The following EPHB1 variants were observed in gnomAD, a reference collection of about 807,000 sequenced individuals.
The protein encoded by EPHB1 is ephrin type-B receptor 1.
EPHB1 carries 30 observed loss-of-function variants against 94.4 expected under a neutral mutation model. The observed-to-expected ratio is 0.32, with a 90% CI of 0.24 to 0.43. The LOEUF is 0.43. Ranked by LOEUF, EPHB1 falls within the 20% of genes least tolerant of loss-of-function variation. The pLI, the probability that EPHB1 is intolerant of heterozygous loss-of-function variation, is 1.00. For missense variants in EPHB1, 1,055 were observed against 1,308.3 expected (o/e 0.81, Z 2.99); for synonymous variants, 522 against 489.1 (o/e 1.07, Z -0.89).
chr3:134,866,161 C>T (rs1333160788), intron 1 of EPHB1, among the ~76,000 whole-genome samples: 1 of 152,202 alleles, frequency 6.6e-6, no homozygotes, highest in African/African-American at 2.4e-5. Context: ...GGACAGTGGG[C>T]AAGAGGCTGG....
intron 1 of EPHB1, among the ~76,000 whole-genome samples, chr3:134,923,916 T>A (rs558912185): frequency 4.6e-5 from 7 of 152,300 alleles, no homozygotes; most frequent in African/African-American, 1.7e-4. Flanking sequence ...ATGCATCATT[T>A]ATATTGTACC....
Position 135,055,706 on chromosome 3 carries a change from CGGGGTTGTTGT to C in EPHB1, c.806-50738_806-50728del, listed in dbSNP as rs1206595125. Among the ~76,000 whole-genome samples, 105 of 152,272 alleles carry C rather than the reference CGGGGTTGTTGT, an allele frequency of 6.9e-4. 1 individual carries two copies. The South Asian group carries it at 0.021, about 30-fold the overall frequency. ...CTGTCTTGTCATCCTTGTTCACACC[CGGGGTTGTTGT>C]GGGAGGATGAACAGGGTCACACGTG... On this transcript the variant is annotated intron_variant, in intron 3 of 15. Transcript: ENST00000398015.
At chr3:135,135,871 T>C (rs950427807) in intron 5 of EPHB1, among the ~76,000 whole-genome samples, 9 of 152,234 alleles carry the variant, frequency 5.9e-5, no homozygotes, top group African/African-American at 1.2e-4. Flanking sequence ...TGGGTCCTGA[T>C]TGAGAAATAG....
intron 2 of EPHB1, among the ~76,000 whole-genome samples, chr3:134,937,417 A>G (rs1273829289): frequency 2.6e-5 from 4 of 152,204 alleles, no homozygotes; most frequent in African/African-American, 9.6e-5. Flanking sequence ...AAGAATGGGA[A>G]CGAAGCCAAG....
chr3:135,086,248 A>T (rs1415752456), intron 3 of EPHB1, among the ~76,000 whole-genome samples: 1 of 151,018 alleles, frequency 6.6e-6, no homozygotes, highest in Non-Finnish European at 1.5e-5. Flanking sequence ...GCCCAACAGG[A>T]TCCTTAATGA....
intron 3 of EPHB1, among the ~76,000 whole-genome samples, chr3:134,975,329 G>T (rs889312466): frequency 6.6e-6 from 1 of 152,204 alleles, no homozygotes; most frequent in Non-Finnish European, 1.5e-5. Context: ...CAGGGCAGGG[G>T]ATGCAGAACT....
intron 2 of EPHB1, among the ~76,000 whole-genome samples, chr3:134,934,681 G>T (rs2038967476): frequency 6.6e-6 from 1 of 151,750 alleles, no homozygotes; most frequent in African/African-American, 2.4e-5. Flanking sequence ...GACTTTGTGT[G>T]TGTGCGGTAT....
chr3:134,804,744 C>T (rs11923284), intron 1 of EPHB1, among the ~76,000 whole-genome samples: 35,286 of 152,124 alleles, frequency 0.23, 8,219 homozygotes, highest in African/African-American at 0.6. Flanking sequence ...TGCTTTTATC[C>T]ATCTGGCCAG....
chr3:135,005,627 C>A (rs570817238), intron 3 of EPHB1, among the ~76,000 whole-genome samples: 2 of 152,342 alleles, frequency 1.3e-5, no homozygotes, highest in East Asian at 1.9e-4. Flanking sequence ...GGGTGTAGGA[C>A]CCTCCGAGCC....
chr3:134,876,491 C>T (rs900466133), intron 1 of EPHB1, among the ~76,000 whole-genome samples: 1 of 152,228 alleles, frequency 6.6e-6, no homozygotes, highest in Admixed American at 6.5e-5. Context: ...AGGGCCTGGA[C>T]TCTCCCCTCC....
Position 134,885,326 on chromosome 3 carries a change from C to T in EPHB1, c.59-40490C>T, listed in dbSNP as rs7431809. On this transcript the variant is annotated intron_variant, in intron 1 of 15. Transcript: ENST00000398015. ...TCAGTGAACTGTTGACATTAAACAA[C>T]GACAACAAAATAGTATGTGTATAAT... 2.2e-3 allele frequency among the ~76,000 whole-genome samples: 338 copies of T among 152,242 alleles called. 10 individuals carry two copies. In the East Asian group the frequency reaches 0.059, roughly 27 times the overall value.
At chr3:134,919,724 G>A (rs1367934375) in intron 1 of EPHB1, among the ~76,000 whole-genome samples, 1 of 152,096 alleles carries the variant, frequency 6.6e-6, no homozygotes, top group African/African-American at 2.4e-5. Flanking sequence ...AGACCCCTAG[G>A]GAAGGCAGAC....
At chr3:135,249,588 C>G (rs1932980161) in intron 15 of EPHB1, 97 bp downstream of exon 15, 3 of 1,406,340 alleles carry the variant, frequency 2.1e-6, no homozygotes, top group Non-Finnish European at 2.9e-6. Context: ...TGGCCTCATC[C>G]CTGGAGCTCC....
chr3:134,974,679 T>G (rs1377725102), intron 3 of EPHB1, among the ~76,000 whole-genome samples: 1 of 152,202 alleles, frequency 6.6e-6, no homozygotes, highest in Non-Finnish European at 1.5e-5. Context: ...CCTGCTCCAG[T>G]GCCAGCTGAC....
At chr3:135,180,325 T>C (rs1942120203) in intron 10 of EPHB1, among the ~76,000 whole-genome samples, 1 of 152,222 alleles carries the variant, frequency 6.6e-6, no homozygotes, top group South Asian at 2.1e-4. Flanking sequence ...ACATTTGTAG[T>C]ATTCCACTTA....
chr3:134,923,729 G>A (rs1277664759), intron 1 of EPHB1, among the ~76,000 whole-genome samples: 1 of 152,144 alleles, frequency 6.6e-6, no homozygotes, highest in Non-Finnish European at 1.5e-5. Context: ...CTCCTAGGAT[G>A]GGTTTCTCCC....
intron 15 of EPHB1, among the ~76,000 whole-genome samples, chr3:135,256,628 C>T (rs1048916935): frequency 6.6e-6 from 1 of 152,134 alleles, no homozygotes; most frequent in Non-Finnish European, 1.5e-5. Flanking sequence ...GTAACCCGAC[C>T]TTTCTCTCTG....
intron 2 of EPHB1, among the ~76,000 whole-genome samples, chr3:134,940,552 G>C (rs939151750): frequency 6.6e-6 from 1 of 152,102 alleles, no homozygotes; most frequent in South Asian, 2.1e-4. Flanking sequence ...CTCAGCAATG[G>C]GCCAGGCACC....
At chr3:134,942,558 G>C (rs1031342716) in intron 2 of EPHB1, among the ~76,000 whole-genome samples, 1 of 152,230 alleles carries the variant, frequency 6.6e-6, no homozygotes, top group African/African-American at 2.4e-5. Flanking sequence ...ACTGCATCAG[G>C]GCTGCAAAGG....
Sources: allele counts gnomAD v4.1 joint callset (sites outside exome capture counted in the v4.1 genomes callset), GRCh38; gene constraint gnomAD v4.1.1; transcripts MANE v1.5; gene names NCBI Gene and HGNC (gene_info 2026-07-23, HGNC 2026-07-21).